Variants in TRPA1 observed in about 807,000 individuals in gnomAD.
TRPA1 encodes the protein transient receptor potential cation channel subfamily A member 1, also known as ankyrin-like with transmembrane domains 1.
Under a neutral mutation model 131.3 loss-of-function variants are expected in TRPA1, and 129 were observed. The observed-to-expected ratio is 0.98, with a 90% CI of 0.85 to 1.14. The LOEUF (loss-of-function observed/expected upper bound fraction) is 1.14. Among genes scored for constraint, TRPA1 ranks in the 50% most tolerant of loss-of-function variants. The pLI, the probability that TRPA1 is intolerant of heterozygous loss-of-function variation, is 0.00. For synonymous variants in TRPA1, 441 were observed against 451.7 expected (o/e 0.98, Z 0.30); for missense variants, 1,304 against 1,354.2 (o/e 0.96, Z 0.58).
the TRPA1 span, among the ~76,000 whole-genome samples, chr8:72,086,972 C>T: frequency 1.3e-5 from 2 of 152,122 alleles, 1 homozygote; most frequent in Admixed American, 1.3e-4. Flanking sequence ...TATGTTGGTA[C>T]TTATTTAAGT....
intron 24 of TRPA1, among the ~76,000 whole-genome samples, chr8:72,028,871 A>C (rs1365222240): frequency 6.6e-6 from 1 of 152,224 alleles, no homozygotes; most frequent in East Asian, 1.9e-4. Context: ...GACAAATAAA[A>C]GTGAAGAGGA....
At chr8:72,052,871 A>C in intron 13 of TRPA1, 106 bp from the exon 14 acceptor site, 1 of 1,292,292 alleles carries the variant, frequency 7.7e-7, no homozygotes, top group Non-Finnish European at 1.1e-6. Context: ...TAATACCAAA[A>C]TACATAGCAC....
At chr8:72,059,288 A>G in intron 8 of TRPA1, 102 bp downstream of exon 8, 1 of 806,056 alleles carries the variant, frequency 1.2e-6, no homozygotes, top group Non-Finnish European at 2.0e-6. Flanking sequence ...GATAAGCAAG[A>G]AATCAAAATT....
chr8:72,086,152 C>T, the TRPA1 span, among the ~76,000 whole-genome samples: 1 of 152,164 alleles, frequency 6.6e-6, no homozygotes, highest in Non-Finnish European at 1.5e-5. Flanking sequence ...CCACCCGCCT[C>T]AGCCTCCCAA....
chr8:72,021,843 T>G lies in TRPA1; in HGVS notation c.*1063A>C, dbSNP rs1384245157. Reference sequence around the variant, plus strand: ...ATGAGTAGAAAAAATAGGAAATAAGTGAGAATTATAAGAGAAATAAGAAGC... The same window carrying G: ...ATGAGTAGAAAAAATAGGAAATAAGGGAGAATTATAAGAGAAATAAGAAGC... On this transcript the variant is annotated 3_prime_UTR_variant, in exon 27 of 27. Transcript: ENST00000262209. The G allele has an allele frequency of 6.6e-6, 1 of 151,446 alleles. No individual in the cohort carries two copies. The highest frequency in any genetic ancestry group is 1.5e-5 in the Non-Finnish European group (1 of 67,900). 9.4% of individuals were successfully genotyped at this position (151,446 alleles called of 1,614,324 possible).
chr8:72,032,075 C>T (rs919465304), intron 23 of TRPA1, among the ~76,000 whole-genome samples: 8 of 152,232 alleles, frequency 5.3e-5, no homozygotes, highest in African/African-American at 1.7e-4. Context: ...GAAAGTGTGG[C>T]ACAATCATGG....
intron 9 of TRPA1, 74 bp downstream of exon 9, chr8:72,057,621 GTGGCACACAATGAATGTTCATT>G (rs771995823): frequency 4.0e-5 from 38 of 942,846 alleles, no homozygotes; most frequent in Middle Eastern, 6.2e-4. Context: ...ACAATAGATG[GTGGCACACAATGAATGTTCATT>G]TGGCACACAG....
In TRPA1 at chr8:72,039,810, A is replaced by G; in HGVS notation, c.2062-13T>C. 1 of 1,574,794 alleles carries G rather than the reference A, an allele frequency of 6.4e-7. No homozygotes were observed. The highest frequency in any genetic ancestry group is 8.7e-7 in the Non-Finnish European group (1 of 1,145,484). On this transcript the variant is annotated splice_polypyrimidine_tract_variant and intron_variant, in intron 17 of 26. Coordinates refer to ENST00000262209, the MANE Select transcript of TRPA1 (RefSeq NM_007332.3). ...TTTGTACCATTGCCTGAGAAATAAA[A>G]AAAAGTGTAATAAAAACACAATCAT...
chr8:72,050,721 T>A, intron 15 of TRPA1, 57 bp downstream of exon 15: 1 of 1,155,044 alleles, frequency 8.7e-7, no homozygotes, highest in Non-Finnish European at 1.3e-6. Context: ...TAGGTTGTGA[T>A]TACAACAACA....
At chr8:72,048,157 T>C (rs1425445016) in intron 15 of TRPA1, among the ~76,000 whole-genome samples, 2 of 152,128 alleles carry the variant, frequency 1.3e-5, no homozygotes, top group African/African-American at 4.8e-5. Context: ...ACCTCTATGG[T>C]GTGTGGGAAC....
the TRPA1 span, among the ~76,000 whole-genome samples, chr8:72,088,633 T>C: frequency 6.6e-5 from 10 of 152,306 alleles, no homozygotes; most frequent in Middle Eastern, 6.8e-3. Context: ...CATCAAGCTG[T>C]GTCTTTAGTT....
chr8:72,087,938 CCCATTCT>C, the TRPA1 span, among the ~76,000 whole-genome samples: 2 of 152,190 alleles, frequency 1.3e-5, no homozygotes, highest in Non-Finnish European at 2.9e-5. Flanking sequence ...TGCTTCAGCT[CCCATTCT>C]GGGAACAGGA....
At chr8:72,086,224 T>C in the TRPA1 span, among the ~76,000 whole-genome samples, 1 of 152,174 alleles carries the variant, frequency 6.6e-6, no homozygotes, top group African/African-American at 2.4e-5. Context: ...CTTTTTCTTA[T>C]GATTTTCCTT....
In TRPA1 at chr8:72,022,545, C is replaced by G; in HGVS notation, c.*361G>C. 3 of 355,088 alleles carry G rather than the reference C, an allele frequency of 8.4e-6. No homozygotes were observed. Among genetic ancestry groups the G allele is most frequent in the Non-Finnish European group, 1.1e-5 (2 of 185,276 alleles). The allele number at this position is 355,088 out of a possible 1,614,324, so 22.0% of individuals were successfully genotyped here. A position where few individuals can be genotyped will look rare whatever the true frequency, so the allele number is the denominator to read the frequency against. ...AGAGCATCACATATTATGTAATTAACAAGCAGGAATTCAGTACTGACATTT... is the reference window on the plus strand; with the variant it reads ...AGAGCATCACATATTATGTAATTAAGAAGCAGGAATTCAGTACTGACATTT... On this transcript the variant is annotated 3_prime_UTR_variant, in exon 27 of 27. Transcript: ENST00000262209.
chr8:72,075,920 G>A (rs1563409086), upstream of TRPA1, among the ~76,000 whole-genome samples: 1 of 151,524 alleles, frequency 6.6e-6, no homozygotes. Flanking sequence ...GGTGGAGGGT[G>A]GGGGGTGTAA....
chr8:72,028,384 C>T (rs1434075294), intron 24 of TRPA1, among the ~76,000 whole-genome samples: 2 of 152,250 alleles, frequency 1.3e-5, no homozygotes, highest in East Asian at 1.9e-4. Context: ...GGGCCTTGGG[C>T]CAGTGCCTTG....
intron 14 of TRPA1, among the ~76,000 whole-genome samples, chr8:72,051,442 T>A (rs143252591): frequency 6.6e-6 from 1 of 152,266 alleles, no homozygotes; most frequent in Admixed American, 6.5e-5. Flanking sequence ...AAGGAGGAAC[T>A]AAATCTATGG....
intron 15 of TRPA1, 105 bp downstream of exon 15, chr8:72,050,673 A>G (rs1487177424): frequency 8.6e-6 from 7 of 813,994 alleles, no homozygotes; most frequent in Non-Finnish European, 1.4e-5. Context: ...GCCTATGGAA[A>G]ATGAGAAGCT....
chr8:72,082,511 G>A, the TRPA1 span, among the ~76,000 whole-genome samples: 1 of 152,064 alleles, frequency 6.6e-6, no homozygotes, highest in South Asian at 2.1e-4. Context: ...CTTTCAATAT[G>A]AAGGATTTCT....
Sources: gnomAD v4.1 joint callset for allele counts (sites outside exome capture counted in the v4.1 genomes callset) on GRCh38, gnomAD v4.1.1 for gene constraint, MANE v1.5 for transcripts, NCBI Gene and HGNC (gene_info 2026-07-23, HGNC 2026-07-21) for gene names.